EML6: variants seen among roughly 807,000 people sequenced by gnomAD.
EML6 encodes the protein echinoderm microtubule-associated protein-like 6.
EML6 carries 154 observed loss-of-function variants against 240.1 expected under a neutral mutation model. The ratio of observed to expected loss-of-function variants is 0.64; its 90% confidence interval spans 0.56 to 0.73. The LOEUF (loss-of-function observed/expected upper bound fraction) is 0.73, where lower values mean the gene tolerates loss of function less well. Among genes scored for constraint, EML6 ranks in the 30% least tolerant of loss-of-function variants. The probability of loss-of-function intolerance (pLI) is 0.00; values close to 1 mark genes in which losing one functional copy is unlikely to be tolerated. For synonymous variants in EML6, 1,148 were observed against 899.0 expected (o/e 1.28, Z -4.95); for missense variants, 2,964 against 2,474.6 (o/e 1.20, Z -4.20).
chr2:54,751,955 T>C (rs1190789157), intron 2 of EML6, among the ~76,000 whole-genome samples: 3 of 152,212 alleles, frequency 2.0e-5, no homozygotes, highest in African/African-American at 7.2e-5. Context: ...TTGCATTTTG[T>C]GTATTTAACT....
At chr2:54,967,712 G>A (rs755972778) in intron 39 of EML6, among the ~76,000 whole-genome samples, 1 of 152,172 alleles carries the variant, frequency 6.6e-6, no homozygotes, top group Non-Finnish European at 1.5e-5. Flanking sequence ...CCACATGGCT[G>A]TACTGAATTA....
intron 10 of EML6, among the ~76,000 whole-genome samples, chr2:54,853,079 TTTCA>T (rs2103770448): frequency 6.6e-6 from 1 of 152,350 alleles, no homozygotes; most frequent in Non-Finnish European, 1.5e-5. Flanking sequence ...ACTAATTTTT[TTTCA>T]TTAATCTACT....
intron 2 of EML6, among the ~76,000 whole-genome samples, chr2:54,798,628 T>C (rs770055518): frequency 1.3e-5 from 2 of 152,216 alleles, no homozygotes; most frequent in Non-Finnish European, 2.9e-5. Context: ...TATATGATCT[T>C]GTGTCTTGCA....
chr2:54,924,361 C>G (rs1450482196), intron 26 of EML6, among the ~76,000 whole-genome samples: 1 of 113,646 alleles, frequency 8.8e-6, no homozygotes, highest in East Asian at 2.5e-4. Flanking sequence ...ATGCTGAGCA[C>G]TTTGTCATCT....
chr2:54,754,374 T>A (rs1369051215), intron 2 of EML6, among the ~76,000 whole-genome samples: 8 of 152,074 alleles, frequency 5.3e-5, no homozygotes, highest in Non-Finnish European at 5.9e-5. Context: ...GTTAGTACAT[T>A]TGTGTTGTTT....
intron 4 of EML6, among the ~76,000 whole-genome samples, chr2:54,818,765 A>G (rs1430750796): frequency 6.6e-6 from 1 of 152,208 alleles, no homozygotes; most frequent in Non-Finnish European, 1.5e-5. Context: ...TGAGTCTGTA[A>G]TCTTAGGATG....
intron 10 of EML6, among the ~76,000 whole-genome samples, chr2:54,851,160 G>A (rs565494011): frequency 3.3e-5 from 5 of 152,274 alleles, no homozygotes; most frequent in Admixed American, 6.5e-5. Flanking sequence ...TGTAATCCTA[G>A]CACTTTTGGA....
At chr2:54,881,645 T>TC (rs1324600886) in intron 17 of EML6, 3 of 59,752 alleles carry the variant, frequency 5.0e-5, no homozygotes, top group Admixed American at 2.1e-4. Context: ...TGAGACTCCG[T>TC]CCCAAAAAAA....
At chr2:54,901,070 G>A (rs1452278100) in intron 22 of EML6, among the ~76,000 whole-genome samples, 2 of 152,180 alleles carry the variant, frequency 1.3e-5, no homozygotes, top group Non-Finnish European at 2.9e-5. Context: ...AGTGATGGTG[G>A]CTAATATGGC....
intron 28 of EML6, among the ~76,000 whole-genome samples, chr2:54,935,571 A>G (rs1219639284): frequency 6.6e-6 from 1 of 152,364 alleles, no homozygotes; most frequent in Admixed American, 6.5e-5. Context: ...AAGTGAAACA[A>G]TTTTGATGAG....
chr2:54,820,690 A>C (rs1668292781), intron 5 of EML6, among the ~76,000 whole-genome samples: 1 of 152,200 alleles, frequency 6.6e-6, no homozygotes, highest in African/African-American at 2.4e-5. Context: ...CAGGCAGCTG[A>C]AAAGGAAATT....
chr2:54,787,277 A>T (rs1669141743), intron 2 of EML6, among the ~76,000 whole-genome samples: 1 of 115,472 alleles, frequency 8.7e-6, no homozygotes, highest in African/African-American at 4.1e-5. Flanking sequence ...GAGCCTTGTC[A>T]ATGAGATGGG....
At chr2:54,822,135 C>CAAATAGAAACA (rs1668362283) in intron 5 of EML6, among the ~76,000 whole-genome samples, 2 of 152,116 alleles carry the variant, frequency 1.3e-5, no homozygotes, top group Non-Finnish European at 2.9e-5. Flanking sequence ...AATAGAAACA[C>CAAATAGAAACA]TGTTGGCCAA....
chr2:54,914,101 TTCTTTTTGCC>T (rs1673782540), intron 25 of EML6, among the ~76,000 whole-genome samples: 1 of 152,252 alleles, frequency 6.6e-6, no homozygotes, highest in African/African-American at 2.4e-5. Context: ...TCTGGCTTTG[TTCTTTTTGCC>T]TAGAAATGCT....
chr2:54,814,693 T>C (rs960149472), intron 3 of EML6, among the ~76,000 whole-genome samples: 2 of 152,264 alleles, frequency 1.3e-5, no homozygotes, highest in African/African-American at 4.8e-5. Flanking sequence ...CAGTGGATTA[T>C]AGGAGTTGAC....
At chr2:54,862,338 T>TA (rs35834327) in intron 12 of EML6, among the ~76,000 whole-genome samples, 1,569 of 37,724 alleles carry the variant, frequency 0.042, 256 homozygotes, top group Non-Finnish European at 0.047. Flanking sequence ...ACTCCATCTC[T>TA]AAAAAAAAAA....
At chr2:54,846,088 C>T (rs1669735381) in intron 8 of EML6, among the ~76,000 whole-genome samples, 1 of 152,146 alleles carries the variant, frequency 6.6e-6, no homozygotes, top group African/African-American at 2.4e-5. Context: ...TTTGTTTGAG[C>T]TGCAATTGCC....
At chr2:54,958,531 G>A (rs1364841034) in intron 33 of EML6, among the ~76,000 whole-genome samples, 1 of 152,058 alleles carries the variant, frequency 6.6e-6, no homozygotes, top group Non-Finnish European at 1.5e-5. Flanking sequence ...AGAAAAGGTA[G>A]GACACCCACC....
chr2:54,799,055 C>T (rs776163349), intron 2 of EML6, among the ~76,000 whole-genome samples: 15 of 151,988 alleles, frequency 9.9e-5, no homozygotes, highest in Admixed American at 5.3e-4. Flanking sequence ...CTTTATTCTG[C>T]TATATATTCT....
Sources: gnomAD v4.1 joint callset for allele counts (sites outside exome capture counted in the v4.1 genomes callset) on GRCh38, gnomAD v4.1.1 for gene constraint, MANE v1.5 for transcripts, NCBI Gene and HGNC (gene_info 2026-07-23, HGNC 2026-07-21) for gene names.